Variants in ALMS1 observed in about 807,000 individuals in gnomAD.
ALMS1 encodes the protein ALMS1 centrosome and basal body associated protein.
Under a neutral mutation model 352.2 loss-of-function variants are expected in ALMS1, and 271 were observed. The ratio of observed to expected loss-of-function variants is 0.77; its 90% CI spans 0.70 to 0.85. The LOEUF is 0.85. ALMS1 is among the 40% of genes least tolerant of loss of function. The pLI is 0.00. For synonymous variants in ALMS1, 1,865 were observed against 1,761.2 expected (o/e 1.06, Z -1.48); for missense variants, 5,445 against 4,870.7 (o/e 1.12, Z -3.51).
At chr2:73,554,828 CTT>C (rs1361810305) in intron 13 of ALMS1, among the ~76,000 whole-genome samples, 2 of 152,100 alleles carry the variant, frequency 1.3e-5, no homozygotes, top group Non-Finnish European at 1.5e-5. Flanking sequence ...TCACTGAACT[CTT>C]TATGTGCACG....
chr2:73,490,258 A>G lies in ALMS1; in HGVS notation c.8299A>G (p.Lys2767Glu), dbSNP rs772638313. 25 of 1,614,130 alleles carry G rather than the reference A, an allele frequency of 1.5e-5. No individual in the cohort carries two copies. The highest frequency in any genetic ancestry group is 1.9e-5 in the Non-Finnish European group (23 of 1,180,018). ...EQNPPRDLKQKTSSPSSFKMH... is the reference protein window; with the variant it reads ...EQNPPRDLKQETSSPSSFKMH... ...AAATCCTCCCAGAGATCTTAAACAG[A>G]AAACCTCTTCCCCTTCATCATTTAA... The change falls in exon 10 of 23, where the codon AAA becomes GAA. Residue 2767 changes from lysine (K) to glutamate (E), a missense_variant. Transcript: ENST00000613296.
chr2:73,465,289 GAT>G (rs1672309403), intron 9 of ALMS1, among the ~76,000 whole-genome samples: 1 of 152,042 alleles, frequency 6.6e-6, no homozygotes, highest in South Asian at 2.1e-4. Context: ...CCAAAACAGA[GAT>G]ATAGATCAAT....
At chr2:73,557,482 ATG>A in intron 14 of ALMS1, 128 bp downstream of exon 14, 5 of 1,196,632 alleles carry the variant, frequency 4.2e-6, no homozygotes, top group Non-Finnish European at 6.0e-6. Flanking sequence ...CTTCTATCTC[ATG>A]TATATATGAA....
chr2:73,483,570 C>T (rs1015060445), intron 9 of ALMS1, among the ~76,000 whole-genome samples: 2 of 151,684 alleles, frequency 1.3e-5, no homozygotes, highest in African/African-American at 4.9e-5. Flanking sequence ...GTGGAGAGTT[C>T]TGTAGATGTC....
At chr2:73,580,632 G>T (rs1459748640) in intron 16 of ALMS1, among the ~76,000 whole-genome samples, 1 of 152,054 alleles carries the variant, frequency 6.6e-6, no homozygotes, top group African/African-American at 2.4e-5. Context: ...TTCTTTTCAT[G>T]CCTCATAATG....
intron 9 of ALMS1, chr2:73,469,407 A>G (rs560172771): frequency 6.6e-6 from 1 of 152,076 alleles, no homozygotes; most frequent in East Asian, 1.9e-4. Flanking sequence ...AAGGAAAAAC[A>G]TACAATGTGG....
intron 1 of ALMS1, among the ~76,000 whole-genome samples, chr2:73,402,972 A>T (rs1252925420): frequency 1.3e-5 from 2 of 152,130 alleles, no homozygotes; most frequent in Non-Finnish European, 2.9e-5. Context: ...ATATTTTCTC[A>T]TCTGTAGTAG....
intron 1 of ALMS1, among the ~76,000 whole-genome samples, chr2:73,394,258 G>T (rs1308376467): frequency 1.3e-5 from 2 of 152,190 alleles, no homozygotes; most frequent in Non-Finnish European, 2.9e-5. Context: ...AGATTAGCTT[G>T]TCAGTTTCTG....
chr2:73,486,032 T>C (rs1383896169), intron 9 of ALMS1, among the ~76,000 whole-genome samples: 1 of 152,014 alleles, frequency 6.6e-6, no homozygotes. Flanking sequence ...ATCACCGTCT[T>C]CTGCGTGGCT....
intron 16 of ALMS1, among the ~76,000 whole-genome samples, chr2:73,587,304 G>C (rs554568208): frequency 1.3e-5 from 2 of 152,020 alleles, no homozygotes; most frequent in Non-Finnish European, 2.9e-5. Flanking sequence ...CTAGGACTTC[G>C]AGTACAGTGT....
chr2:73,468,336 C>T (rs1253030001), intron 9 of ALMS1, among the ~76,000 whole-genome samples: 2 of 152,006 alleles, frequency 1.3e-5, no homozygotes, highest in Non-Finnish European at 2.9e-5. Context: ...GCACAAACTG[C>T]TTCAATGAAT....
intron 10 of ALMS1, among the ~76,000 whole-genome samples, chr2:73,516,372 G>GTTA (rs1673555487): frequency 6.6e-6 from 1 of 152,138 alleles, no homozygotes; most frequent in African/African-American, 2.4e-5. Context: ...TTCAGCCACT[G>GTTA]GGGAAAACTG....
chr2:73,503,608 A>G (rs1673261438), intron 10 of ALMS1, among the ~76,000 whole-genome samples: 1 of 152,212 alleles, frequency 6.6e-6, no homozygotes, highest in African/African-American at 2.4e-5. Context: ...CTTTGGGTAT[A>G]TAGCCAGTAA....
chr2:73,421,933 A>G (rs968378668), intron 3 of ALMS1, among the ~76,000 whole-genome samples: 1 of 152,170 alleles, frequency 6.6e-6, no homozygotes, highest in African/African-American at 2.4e-5. Flanking sequence ...ATTTAAGTCA[A>G]CATTCAGGAA....
chr2:73,424,440 G>C lies in ALMS1; in HGVS notation c.775G>C (p.Asp259His), dbSNP rs367750679. The C allele has an allele frequency of 9.2e-5, 143 of 1,557,728 alleles. No homozygotes were observed. The highest frequency in any genetic ancestry group is 2.7e-4 in the Admixed American group (14 of 52,588). ...LSFAPLRGIP[D>H]KSEDTEWSSR... ...ACTATATATTTTCAGGGGAATTCCTGATAAGTCTGAAGATACTGAATGGTC... is the reference window on the plus strand; with the variant it reads ...ACTATATATTTTCAGGGGAATTCCTCATAAGTCTGAAGATACTGAATGGTC... The change falls in exon 5 of 23, where the codon GAT becomes CAT. Residue 259 changes from aspartate to histidine, a missense_variant. Coordinates refer to ENST00000613296, the MANE Select transcript of ALMS1 (RefSeq NM_001378454.1).
chr2:73,389,952 G>C (rs894264040), intron 1 of ALMS1, among the ~76,000 whole-genome samples: 5 of 152,270 alleles, frequency 3.3e-5, no homozygotes, highest in African/African-American at 1.2e-4. Flanking sequence ...CTCCCAAAGT[G>C]TTGGGATTAG....
Position 73,430,311 on chromosome 2 carries a change from C to T in ALMS1, c.1339-1887C>T, listed in dbSNP as rs1204323166. 2.6e-5 allele frequency among the ~76,000 whole-genome samples: 4 copies of T among 152,080 alleles called. No individual in the cohort carries two copies. In the East Asian group the frequency reaches 7.7e-4, roughly 29 times the overall value. On this transcript the variant is annotated intron_variant, in intron 6 of 22. Transcript: ENST00000613296. Reference sequence around the variant, plus strand: ...CAGGATGGTCTCGATCTCCTGACTTCGTGATCCGCCCGCCTCGGCCTCCCA... The same window carrying T: ...CAGGATGGTCTCGATCTCCTGACTTTGTGATCCGCCCGCCTCGGCCTCCCA...
At position 73,448,656 on chromosome 2, in the gene ALMS1, C is replaced by T. The variant is rs1671857959; in HGVS notation, c.2129C>T (p.Thr710Ile). The change falls in exon 8 of 23, where the codon ACA becomes ATA. Residue 710 changes from threonine to isoleucine, a missense_variant. Coordinates refer to ENST00000613296, the MANE Select transcript of ALMS1 (RefSeq NM_001378454.1). ...GPADQKTGTA[T>I]VLSTPHSHRE... ...GCTGACCAGAAGACTGGGACAGCAA[C>T]AGTACTCTCTACTCCCCACTCACAT... The T allele has an allele frequency of 1.2e-6, 2 of 1,613,924 alleles. No homozygotes were observed. The highest frequency in any genetic ancestry group is 1.7e-6 in the Non-Finnish European group (2 of 1,179,934).
intron 16 of ALMS1, among the ~76,000 whole-genome samples, chr2:73,583,262 A>C (rs1233416233): frequency 6.6e-6 from 1 of 151,682 alleles, no homozygotes; most frequent in Non-Finnish European, 1.5e-5. Context: ...TCCTGGGCTC[A>C]AGCAGTCTTT....
Sources: allele counts gnomAD v4.1 joint callset (sites outside exome capture counted in the v4.1 genomes callset), GRCh38; gene constraint gnomAD v4.1.1; transcripts MANE v1.5; gene names NCBI Gene and HGNC (gene_info 2026-07-23, HGNC 2026-07-21).